The following C1RL variants were observed in gnomAD, a reference collection of about 807,000 sequenced individuals.
C1RL encodes the protein complement C1r subcomponent-like protein.
A neutral mutation model predicts 27.9 loss-of-function variants in C1RL; 27 were observed. That is an observed-to-expected ratio of 0.97 (90% CI 0.71 to 1.33). The LOEUF (loss-of-function observed/expected upper bound fraction) is 1.33. C1RL is among the 40% of genes most tolerant of loss of function. The probability of loss-of-function intolerance (pLI) is 0.00; values close to 1 mark genes in which losing one functional copy is unlikely to be tolerated. For synonymous variants in C1RL, 248 were observed against 252.1 expected, an observed-to-expected ratio of 0.98 and a Z score of 0.15; for missense variants, 563 against 623.9, an observed-to-expected ratio of 0.90 and a Z score of 1.04.
At chr12:7,099,652 G>A (rs1591596960) in intron 5 of C1RL, 34 bp downstream of exon 5, 1 of 1,549,250 alleles carries the variant, frequency 6.5e-7, no homozygotes, top group East Asian at 2.4e-5. Context: ...GCTGAGGCTT[G>A]TTGGGGGAAT....
chr12:7,096,287 A>AACCCCC lies in C1RL; in HGVS notation c.*103_*104insGGGGGT. The AACCCCC allele has an allele frequency of 2.2e-6, 1 of 444,704 alleles. No individual in the cohort carries two copies. Among genetic ancestry groups the AACCCCC allele is most frequent in the Non-Finnish European group, 3.0e-6 (1 of 335,764 alleles). The allele number at this position is 444,704 out of a possible 1,614,324, so 27.5% of individuals were successfully genotyped here. The stretch of plus-strand genomic sequence containing the variant: ...GAATAGGATTTCCCTGCCTCCCCCA[A>AACCCCC]CCCCCCACCCCCAACCCCTACCCCA... On this transcript the variant is annotated 3_prime_UTR_variant, in exon 6 of 6. Coordinates refer to ENST00000266542, the MANE Select transcript of C1RL (RefSeq NM_016546.4).
intron 2 of C1RL, among the ~76,000 whole-genome samples, chr12:7,105,426 T>C (rs1180005206): frequency 2.0e-5 from 3 of 152,084 alleles, no homozygotes; most frequent in African/African-American, 7.2e-5. Flanking sequence ...TACACCACCA[T>C]GCCTGCCTAA....
In C1RL at chr12:7,109,176, G is replaced by C. The variant is rs780055949; in HGVS notation, c.5C>G (p.Pro2Arg). 32 of 1,600,812 alleles carry C rather than the reference G, an allele frequency of 2.0e-5. 1 individual carries two copies. The South Asian group carries it at 3.4e-4, about 17-fold the overall frequency. Residue 2 changes from proline to arginine, a missense_variant, in exon 1 of 6, where the codon CCT becomes CGT. Transcript: ENST00000266542. M[P>R]GPRVWGKYLW... ...ATATTTCCCCCACACTCTGGGTCCA[G>C]GCATCTGGAACTGGACATCTGGGAC...
chr12:7,108,433 C>G lies in C1RL; in HGVS notation c.118G>C (p.Gly40Arg). 3 of 1,612,004 alleles carry G rather than the reference C, an allele frequency of 1.9e-6. No individual in the cohort carries two copies. The highest frequency in any genetic ancestry group is 2.5e-6 in the Non-Finnish European group (3 of 1,178,724). ...WGVLQACPTR[G>R]SVLLAQELPQ... ...AGCTCTTGGGCCAAGAGGACGGAGC[C>G]CCGGGTTGGGCAAGCCTGGAGGACT... is the stretch of plus-strand genomic sequence containing the variant. The change falls in exon 2 of 6, where the codon GGC (glycine) becomes CGC (arginine). Residue 40 changes from glycine (G) to arginine (R), a missense_variant. Coordinates refer to ENST00000266542, the MANE Select transcript of C1RL (RefSeq NM_016546.4).
rs767043282 is a variant in C1RL at position 7,099,790 on chromosome 12, A to T, written c.617-30T>A. ...GGCGTAAATGAGGAGAGGCAAAGAA[A>T]TAGGCTCGGAGTTGAAGCTGTTGGT... is the stretch of plus-strand genomic sequence containing the variant. On this transcript the variant is annotated intron_variant, in intron 4 of 5. Transcript: ENST00000266542. 1.2e-5 allele frequency: 20 copies of T among 1,605,900 alleles called. No homozygotes were observed. The East Asian group carries it at 2.0e-4, about 16-fold the overall frequency.
rs1458168379 is a variant in C1RL, at chr12:7,104,531, A to G, written c.301-2444T>C. Among the ~76,000 whole-genome samples, 1 of 152,176 alleles carries G rather than the reference A, an allele frequency of 6.6e-6. No homozygotes were observed. Among genetic ancestry groups the G allele is most frequent in the Non-Finnish European group, 1.5e-5 (1 of 68,038 alleles). ...TCCAGGTCCTCTGGTTTCCTCCCAC[A>G]TCCCAAGCTGTGCCTGCTAGGCGAC... On this transcript the variant is annotated intron_variant, in intron 2 of 5. Transcript: ENST00000266542. This position sits in a 1 kb window ranked among gnomAD's most constrained non-coding sequence, Gnocchi z 5.4.
chr12:7,097,023 T>G lies in C1RL; in HGVS notation c.832A>C (p.Ile278Leu), dbSNP rs2135752680. Residue 278 changes from isoleucine to leucine, a missense_variant, in exon 6 of 6, where the codon ATC (isoleucine) becomes CTC (leucine). Ile to Leu is a conservative substitution (Grantham distance 5). Transcript: ENST00000266542. Reference sequence around the variant, plus strand: ...TAGATGGTGTGGGCAGCAGTGAGGATCCATCTGTCCCCCAGCAGGGCCCCG... The same window carrying G: ...TAGATGGTGTGGGCAGCAGTGAGGAGCCATCTGTCCCCCAGCAGGGCCCCG... ...GGGALLGDRW[I>L]LTAAHTIYPK... 6.2e-7 allele frequency: 1 copy of G among 1,614,090 alleles called. No homozygotes were observed. Among genetic ancestry groups the G allele is most frequent in the African/African-American group, 1.3e-5 (1 of 75,004 alleles).
chr12:7,095,557 A>T lies in C1RL; in HGVS notation c.*834T>A. The T allele has an allele frequency of 2.0e-6, 2 of 986,082 alleles. No homozygotes were observed. Among genetic ancestry groups the T allele is most frequent in the Non-Finnish European group, 1.2e-6 (1 of 830,370 alleles). The allele number at this position is 986,082 out of a possible 1,614,324, so 61.1% of individuals were successfully genotyped here. On this transcript the variant is annotated 3_prime_UTR_variant, in exon 6 of 6. Transcript: ENST00000266542. The stretch of plus-strand genomic sequence containing the variant: ...CCTGGCTTCTGCAGGAGATGGGGCC[A>T]TTAGGAAAGTGTGAGCTAGAGGATA...
At chr12:7,097,729 T>C in intron 5 of C1RL, among the ~76,000 whole-genome samples, 1 of 152,282 alleles carries the variant, frequency 6.6e-6, no homozygotes, top group East Asian at 1.9e-4. Flanking sequence ...GATGAGCACA[T>C]GTTTGGGGCT....
At position 7,107,342 on chromosome 12, in the gene C1RL, A is replaced by T. The variant is rs1051967730; in HGVS notation, c.300+909T>A. The stretch of plus-strand genomic sequence containing the variant: ...TGCCACCACACTTGGCTAATTTTTA[A>T]ATTTTTTTGTAGAGATGGGGTCTTG... On this transcript the variant is annotated intron_variant, in intron 2 of 5. Coordinates refer to ENST00000266542, the MANE Select transcript of C1RL (RefSeq NM_016546.4). Among the ~76,000 whole-genome samples the T allele has an allele frequency of 3.9e-5, 6 of 151,980 alleles. No homozygotes were observed. The South Asian group carries it at 1.3e-3, about 32-fold the overall frequency.
intron 2 of C1RL, among the ~76,000 whole-genome samples, 174 bp from the exon 3 acceptor site, chr12:7,102,261 T>C (rs1938649976): frequency 1.3e-5 from 2 of 152,232 alleles, no homozygotes; most frequent in African/African-American, 4.8e-5. Context: ...GGTTCCATTA[T>C]TGACGCCTGA....
In C1RL at chr12:7,096,844, G is replaced by A. The variant is rs766716859; in HGVS notation, c.1011C>T (p.Ser337=). 6.2e-7 allele frequency: 1 copy of A among 1,603,564 alleles called. No individual in the cohort carries two copies. The highest frequency in any genetic ancestry group is 8.5e-7 in the Non-Finnish European group (1 of 1,174,130). Residue 337 remains serine, a synonymous_variant, in exon 6 of 6, where the codon AGC becomes AGT. Transcript: ENST00000266542. The stretch of plus-strand genomic sequence containing the variant: ...GCAGCTCCAGGAGGGCGATGTCCCC[G>A]CTAAAGTTATGGGACTCATTCTGAC... ...DYRQNESHNF[S]GDIALLELQH...
At chr12:7,100,992 G>T (rs1938601168) in intron 3 of C1RL, among the ~76,000 whole-genome samples, 2 of 152,116 alleles carry the variant, frequency 1.3e-5, no homozygotes, top group Middle Eastern at 3.4e-3. Flanking sequence ...GCAGCCAGGA[G>T]TTAAGAGCCA....
chr12:7,096,378 C>T lies in C1RL; in HGVS notation c.*13G>A. The T allele has an allele frequency of 7.2e-7, 1 of 1,398,262 alleles. No individual in the cohort carries two copies. The highest frequency in any genetic ancestry group is 9.5e-7 in the Non-Finnish European group (1 of 1,048,134). 86.6% of individuals were successfully genotyped at this position (1,398,262 alleles called of 1,614,324 possible). A position where few individuals can be genotyped will look rare whatever the true frequency, so the allele number is the denominator to read the frequency against. On this transcript the variant is annotated 3_prime_UTR_variant, in exon 6 of 6. Transcript: ENST00000266542. ...TCCACTGTGCTGGTCAGTCCCTGTT[C>T]AAGCCCCCAGGGTCAATTCTTGCCA...
At chr12:7,108,105 G>T in intron 2 of C1RL, 146 bp downstream of exon 2, 2 of 631,488 alleles carry the variant, frequency 3.2e-6, no homozygotes, top group South Asian at 4.7e-5. Flanking sequence ...GTCCACCACT[G>T]CTCCCCGGTA....
intron 3 of C1RL, chr12:7,101,615 T>C (rs1938627288): frequency 2.0e-6 from 1 of 506,836 alleles, no homozygotes; most frequent in Admixed American, 3.2e-5. Context: ...TTTGAAAATT[T>C]ATAATTTTAC....
In C1RL at chr12:7,096,478, G is replaced by T. The variant is rs772068396; in HGVS notation, c.1377C>A (p.Gly459=). Residue 459 remains glycine (G), a synonymous_variant, in exon 6 of 6, where the codon GGC becomes GGA. Transcript: ENST00000266542. ...AGTCATACCCTTCGCCACACCCTAT[G>T]CCCCAGGACACAATGCCCGTGGCCA... is the stretch of plus-strand genomic sequence containing the variant. ...HWVATGIVSW[G]IGCGEGYDFY... is the part of the protein sequence containing the mutation. 19 of 1,614,074 alleles carry T rather than the reference G, an allele frequency of 1.2e-5. No individual in the cohort carries two copies. The South Asian group carries it at 2.0e-4, about 17-fold the overall frequency.
chr12:7,106,593 G>A (rs935018913), intron 2 of C1RL, among the ~76,000 whole-genome samples: 42 of 152,168 alleles, frequency 2.8e-4, no homozygotes, highest in African/African-American at 9.4e-4. Context: ...CCAATTAAAA[G>A]GAGGACCGAT....
chr12:7,096,937 T>C lies in C1RL; in HGVS notation c.918A>G (p.Thr306=). 1 of 1,611,554 alleles carries C rather than the reference T, an allele frequency of 6.2e-7. No individual in the cohort carries two copies. Among genetic ancestry groups the C allele is most frequent in the Non-Finnish European group, 8.5e-7 (1 of 1,178,454 alleles). The part of the protein sequence containing the change: ...NQSVNVFLGH[T]AIDEMLKLGN... ...CCAGTTTCAGCATCTCATCTATGGC[T>C]GTGTGGCCCAAGAACACATTCACAC... The change falls in exon 6 of 6, where the codon ACA becomes ACG. Residue 306 remains threonine (T), a synonymous_variant. Transcript: ENST00000266542.
Sources: gnomAD v4.1 joint callset for allele counts (sites outside exome capture counted in the v4.1 genomes callset) on GRCh38, gnomAD v4.1.1 for gene constraint, Gnocchi (gnomAD v3.1) non-coding constraint, MANE v1.5 for transcripts, NCBI Gene and HGNC (gene_info 2026-07-23, HGNC 2026-07-21) for gene names.